The following NR1H4 variants were observed in gnomAD, a reference collection of about 807,000 sequenced individuals.
NR1H4 encodes the protein bile acid receptor.
In NR1H4, 23 loss-of-function variants were observed where a neutral mutation model predicts 58.5. The observed-to-expected ratio is 0.39, with a 90% confidence interval of 0.28 to 0.56. NR1H4 has a LOEUF of 0.56. NR1H4 is among the 20% of genes least tolerant of loss of function. The pLI is 0.58. For missense variants in NR1H4, 487 were observed against 576.9 expected (o/e 0.84, Z 1.60); for synonymous variants, 214 against 198.0 (o/e 1.08, Z -0.68).
In NR1H4 at chr12:100,473,908, C is replaced by G. The variant is rs895373916; in HGVS notation, c.-341C>G. On this transcript the variant is annotated 5_prime_UTR_variant, in exon 1 of 11. Coordinates refer to ENST00000392986, the MANE Select transcript of NR1H4 (RefSeq NM_001206979.2). Reference sequence around the variant, plus strand: ...CATGCACAGTACACTGGAACTCTCTCCTCCTCCTCACCTCATTGTCTCCCC... The same window carrying G: ...CATGCACAGTACACTGGAACTCTCTGCTCCTCCTCACCTCATTGTCTCCCC... 3 of 152,240 alleles carry G rather than the reference C, an allele frequency of 2.0e-5. No individual in the cohort carries two copies. In the South Asian group the frequency reaches 6.2e-4, roughly 32 times the overall value. The allele number at this position is 152,240 out of a possible 1,614,324, so 9.4% of individuals were successfully genotyped here.
rs527729197 is a variant in NR1H4, at chr12:100,504,842, G to C, written c.80-5936G>C. The stretch of plus-strand genomic sequence containing the variant: ...ATCTCAAGTTCAGCGTGGAAGATAA[G>C]CCTGTAAACAAAAGAAATGATTGTA... On this transcript the variant is annotated intron_variant, in intron 3 of 10. Coordinates refer to ENST00000392986, the MANE Select transcript of NR1H4 (RefSeq NM_001206979.2). Among the ~76,000 whole-genome samples the C allele has an allele frequency of 2.6e-5, 4 of 152,310 alleles. No individual in the cohort carries two copies. The South Asian group carries it at 8.3e-4, about 32-fold the overall frequency.
intron 9 of NR1H4, among the ~76,000 whole-genome samples, chr12:100,551,110 A>G (rs1272054198): frequency 1.3e-5 from 2 of 152,190 alleles, no homozygotes; most frequent in African/African-American, 4.8e-5. Context: ...TATTTGCCCA[A>G]CTATCTGCTA....
intron 3 of NR1H4, among the ~76,000 whole-genome samples, chr12:100,498,820 T>C (rs1208931264): frequency 6.6e-6 from 1 of 152,182 alleles, no homozygotes; most frequent in Non-Finnish European, 1.5e-5. Flanking sequence ...TGTCAGGAGG[T>C]AGATCCTATA....
intron 4 of NR1H4, among the ~76,000 whole-genome samples, chr12:100,514,728 T>A (rs1261796185): frequency 2.0e-5 from 3 of 152,208 alleles, no homozygotes; most frequent in Non-Finnish European, 4.4e-5. Flanking sequence ...GCTATAATAT[T>A]TCTTGGGTGC....
intron 4 of NR1H4, among the ~76,000 whole-genome samples, chr12:100,518,975 A>T (rs1954340286): frequency 6.6e-6 from 1 of 151,776 alleles, no homozygotes; most frequent in African/African-American, 2.4e-5. Flanking sequence ...TTTAGTAGAG[A>T]CGGGGTTTCA....
rs113088954 is a variant in NR1H4 at position 100,542,182 on chromosome 12, C to T, written c.1078+1364C>T. Among the ~76,000 whole-genome samples the T allele has an allele frequency of 4.8e-3, 723 of 151,982 alleles. 3 individuals are homozygous for T. Among genetic ancestry groups the T allele is most frequent in the Middle Eastern group, 0.01 (3 of 294 alleles). ...CCAACATAGTGAAACTCCGTCTCTA[C>T]TAAAAATACAAAAAATTAGCTGGGC... On this transcript the variant is annotated intron_variant, in intron 9 of 10. Coordinates refer to ENST00000392986, the MANE Select transcript of NR1H4 (RefSeq NM_001206979.2).
At chr12:100,544,048 C>G (rs375292707) in intron 9 of NR1H4, among the ~76,000 whole-genome samples, 4 of 151,920 alleles carry the variant, frequency 2.6e-5, no homozygotes, top group Non-Finnish European at 5.9e-5. Context: ...GTCAGGAGAT[C>G]GAGACCATCC....
In NR1H4 at chr12:100,563,527, T is replaced by C; in HGVS notation, c.*38T>C. ...GGGAGGGGTCTAGCTCCTTTTTCTC[T>C]CTCATATTAATCTGATGTATAACTT... On this transcript the variant is annotated 3_prime_UTR_variant, in exon 11 of 11. Transcript: ENST00000392986. 1 of 1,463,890 alleles carries C rather than the reference T, an allele frequency of 6.8e-7. No individual in the cohort carries two copies. 90.7% of individuals were successfully genotyped at this position (1,463,890 alleles called of 1,614,324 possible). A position where few individuals can be genotyped will look rare whatever the true frequency, so the allele number is the denominator to read the frequency against.
chr12:100,515,739 A>T (rs79782865), intron 4 of NR1H4, among the ~76,000 whole-genome samples: 1 of 152,206 alleles, frequency 6.6e-6, no homozygotes, highest in Non-Finnish European at 1.5e-5. Flanking sequence ...TGATTTACAT[A>T]TCGTGTAATG....
chr12:100,491,273 A>C (rs1050175147), intron 1 of NR1H4, among the ~76,000 whole-genome samples: 3 of 151,880 alleles, frequency 2.0e-5, no homozygotes, highest in African/African-American at 7.3e-5. Flanking sequence ...GCAGTGCCCA[A>C]CCAGTAGTCA....
chr12:100,479,196 T>A (rs1310647702), intron 1 of NR1H4, among the ~76,000 whole-genome samples: 4 of 152,196 alleles, frequency 2.6e-5, no homozygotes, highest in Non-Finnish European at 5.9e-5. Context: ...TTGTTTGTGA[T>A]GCCTTAACCT....
chr12:100,545,657 AAAAAAAAAAAAAC>A (rs1316544554), intron 9 of NR1H4, among the ~76,000 whole-genome samples: 6 of 146,986 alleles, frequency 4.1e-5, no homozygotes, highest in Non-Finnish European at 8.9e-5. Flanking sequence ...AAAAAAAAAA[AAAAAAAAAAAAAC>A]CAAACGGGGG....
chr12:100,510,097 T>G (rs1954069077), intron 3 of NR1H4, among the ~76,000 whole-genome samples: 1 of 152,264 alleles, frequency 6.6e-6, no homozygotes, highest in Admixed American at 6.5e-5. Flanking sequence ...ACAAATTTAT[T>G]GAAGCAGACT....
Position 100,511,156 on chromosome 12 carries a change from G to T in NR1H4, c.445+13G>T. ...GAGGGGTGTAAAGGTAAGCATCTTT[G>T]ATTGGCAGTTTTCTCCTTCAGGTTT... On this transcript the variant is annotated intron_variant, in intron 4 of 10. Coordinates refer to ENST00000392986, the MANE Select transcript of NR1H4 (RefSeq NM_001206979.2). 6.2e-7 allele frequency: 1 copy of T among 1,614,190 alleles called. No homozygotes were observed. Among genetic ancestry groups the T allele is most frequent in the Non-Finnish European group, 8.5e-7 (1 of 1,180,024 alleles).
intron 4 of NR1H4, among the ~76,000 whole-genome samples, chr12:100,514,614 G>T (rs1452833257): frequency 2.0e-5 from 3 of 152,082 alleles, no homozygotes; most frequent in African/African-American, 4.8e-5. Context: ...GTCCTCTGGG[G>T]TTACAATCAC....
Position 100,532,454 on chromosome 12 carries a change from A to G in NR1H4, c.446-4A>G, listed in dbSNP as rs1954716065. The G allele has an allele frequency of 6.2e-7, 1 of 1,614,018 alleles. No individual in the cohort carries two copies. Among genetic ancestry groups the G allele is most frequent in the Non-Finnish European group, 8.5e-7 (1 of 1,179,924 alleles). On this transcript the variant is annotated splice_polypyrimidine_tract_variant and splice_region_variant and intron_variant, in intron 4 of 10. Coordinates refer to ENST00000392986, the MANE Select transcript of NR1H4 (RefSeq NM_001206979.2). ...TTTTACACTTTTCAGTGTTTCTCCC[A>G]CAGGTTTCTTCAGGAGAAGCATTAC...
chr12:100,520,597 G>A (rs1954390229), intron 4 of NR1H4, among the ~76,000 whole-genome samples: 1 of 152,170 alleles, frequency 6.6e-6, no homozygotes. Context: ...GACGGGGCTT[G>A]CCTGCCAAAT....
intron 4 of NR1H4, among the ~76,000 whole-genome samples, chr12:100,515,315 G>A (rs1187019242): frequency 1.3e-5 from 2 of 151,874 alleles, no homozygotes; most frequent in Non-Finnish European, 2.9e-5. Context: ...GGGCTTACAG[G>A]CGCCCTCCAC....
At chr12:100,497,795 C>T (rs1372827195) in intron 3 of NR1H4, among the ~76,000 whole-genome samples, 2 of 152,238 alleles carry the variant, frequency 1.3e-5, no homozygotes, top group Admixed American at 1.3e-4. Context: ...TCCCCACCAT[C>T]TGACATAGTG....
Sources: allele counts gnomAD v4.1 joint callset (sites outside exome capture counted in the v4.1 genomes callset), GRCh38; gene constraint gnomAD v4.1.1; transcripts MANE v1.5; gene names NCBI Gene and HGNC (gene_info 2026-07-23, HGNC 2026-07-21).